ZNF506: variants seen among roughly 807,000 people sequenced by gnomAD.
ZNF506 encodes zinc finger protein 506.
In ZNF506, 10 loss-of-function variants were observed where a neutral mutation model predicts 11.6. The observed-to-expected ratio is 0.86, with a 90% confidence interval of 0.53 to 1.46. ZNF506 has a LOEUF of 1.46. Among genes scored for constraint, ZNF506 ranks in the 40% most tolerant of loss-of-function variants. The pLI is 0.00. For missense variants in ZNF506, 425 were observed against 521.2 expected (o/e 0.82, Z 1.80); for synonymous variants, 156 against 173.3 (o/e 0.90, Z 0.78).
intron 3 of ZNF506, chr19:19,799,533 G>T: frequency 1.6e-6 from 1 of 610,238 alleles, no homozygotes; most frequent in South Asian, 2.0e-5. Context: ...AATGGAATTA[G>T]AGTATAAGAC....
At chr19:19,801,599 T>C (rs992233659) in intron 3 of ZNF506, among the ~76,000 whole-genome samples, 87 of 151,756 alleles carry the variant, frequency 5.7e-4, no homozygotes, top group Non-Finnish European at 1.3e-4. Context: ...GAGATCAGCA[T>C]GGCCAACATG....
chr19:19,809,113 CAG>C (rs2062864267), intron 1 of ZNF506, among the ~76,000 whole-genome samples: 1 of 152,138 alleles, frequency 6.6e-6, no homozygotes, highest in Admixed American at 6.5e-5. Flanking sequence ...TACTAAGGAC[CAG>C]AGTTTTACCC....
chr19:19,816,775 G>C (rs764470691), intron 1 of ZNF506, among the ~76,000 whole-genome samples: 1 of 149,876 alleles, frequency 6.7e-6, no homozygotes, highest in Non-Finnish European at 1.5e-5. Context: ...GATTACAGGC[G>C]TGAGCCACCA....
In ZNF506 at chr19:19,794,486, G is replaced by C; in HGVS notation, c.*66C>G. The C allele has an allele frequency of 7.0e-7, 1 of 1,427,274 alleles. No homozygotes were observed. Among genetic ancestry groups the C allele is most frequent in the Non-Finnish European group, 9.5e-7 (1 of 1,053,638 alleles). The allele number at this position is 1,427,274 out of a possible 1,614,324, so 88.4% of individuals were successfully genotyped here. On this transcript the variant is annotated 3_prime_UTR_variant, in exon 4 of 4. Coordinates refer to ENST00000540806, the MANE Select transcript of ZNF506 (RefSeq NM_001099269.3). The stretch of plus-strand genomic sequence containing the variant: ...CCATATAAATTCTCATATTTAGTCA[G>C]AGTCCAGGGCTAGTTAAAGGCTTTC...
intron 3 of ZNF506, among the ~76,000 whole-genome samples, chr19:19,805,192 G>T (rs908289793): frequency 6.6e-6 from 1 of 151,870 alleles, no homozygotes; most frequent in Non-Finnish European, 1.5e-5. Context: ...GTTTCATACA[G>T]TTTAACTATC....
intron 3 of ZNF506, 83 bp downstream of exon 3, chr19:19,805,948 T>C: frequency 8.4e-7 from 1 of 1,191,400 alleles, no homozygotes; most frequent in Non-Finnish European, 1.2e-6. Context: ...GCTTCCCAAA[T>C]CACATTTTAA....
intron 3 of ZNF506, among the ~76,000 whole-genome samples, chr19:19,799,854 A>ACC (rs1163312330): frequency 9.8e-6 from 1 of 101,840 alleles, no homozygotes; most frequent in Non-Finnish European, 2.2e-5. Flanking sequence ...CTAAAAAGAC[A>ACC]AAGTACCCAA....
In ZNF506 at chr19:19,795,062, A is replaced by C. The variant is rs2062727706; in HGVS notation, c.825T>G (p.His275Gln). 6.2e-7 allele frequency: 1 copy of C among 1,613,706 alleles called. No homozygotes were observed. Among genetic ancestry groups the C allele is most frequent in the African/African-American group, 1.3e-5 (1 of 74,886 alleles). ...GTTTCTCTCCAGTATGAATTTTCTT[A>C]TGTGAAAAAAGGGTTGCAGGGTGGT... is the stretch of plus-strand genomic sequence containing the variant. ...AFNHPATLFS[H>Q]KKIHTGEKPY... The change falls in exon 4 of 4, where the codon CAT becomes CAG. Residue 275 changes from histidine to glutamine, a missense_variant. His to Gln is a conservative substitution (Grantham distance 24). Around this residue, in one of 3 missense-constraint regions of ZNF506, gnomAD observed 192 missense variants for 215.7 expected, o/e 0.89. Coordinates refer to ENST00000540806, the MANE Select transcript of ZNF506 (RefSeq NM_001099269.3).
At chr19:19,807,366 C>T (rs980078328) in intron 1 of ZNF506, among the ~76,000 whole-genome samples, 9 of 152,012 alleles carry the variant, frequency 5.9e-5, no homozygotes, top group African/African-American at 9.7e-5. Flanking sequence ...TTACATCATA[C>T]GGAATGAGCA....
chr19:19,804,788 A>G (rs747047946), intron 3 of ZNF506, among the ~76,000 whole-genome samples: 22 of 152,220 alleles, frequency 1.4e-4, no homozygotes, highest in Non-Finnish European at 2.8e-4. Flanking sequence ...TTGCAGGGAC[A>G]TGGATGAAGC....
Position 19,821,678 on chromosome 19 carries a change from C to A in ZNF506, c.-75G>T. 2 of 1,586,562 alleles carry A rather than the reference C, an allele frequency of 1.3e-6. No homozygotes were observed. The highest frequency in any genetic ancestry group is 1.7e-5 in the Admixed American group (1 of 59,936). On this transcript the variant is annotated 5_prime_UTR_variant, in exon 1 of 4. Coordinates refer to ENST00000540806, the MANE Select transcript of ZNF506 (RefSeq NM_001099269.3). ...CCTGCAGGTCACAGGGCCACAGAGG[C>A]TGGGCCTCTAGGAGCTGACGGCACA...
intron 1 of ZNF506, among the ~76,000 whole-genome samples, chr19:19,810,010 G>A: frequency 6.6e-6 from 1 of 152,194 alleles, no homozygotes; most frequent in Non-Finnish European, 1.5e-5. Context: ...AGAAGCCTGG[G>A]CTGATAACCA....
chr19:19,821,613 T>A lies in ZNF506; in HGVS notation c.-10A>T, dbSNP rs550515894. 4.3e-6 allele frequency: 7 copies of A among 1,614,014 alleles called. No homozygotes were observed. The South Asian group carries it at 5.5e-5, about 13-fold the overall frequency. ...CTGGCACTCTCACCATTTCTAGGCT[T>A]CCAGGGGGTCCCGGCGTCCTAGCTG... On this transcript the variant is annotated 5_prime_UTR_variant, in exon 1 of 4. Coordinates refer to ENST00000540806, the MANE Select transcript of ZNF506 (RefSeq NM_001099269.3).
chr19:19,806,184 G>GAGGA (rs1206608299), intron 2 of ZNF506, 58 bp from the exon 3 acceptor site: 10 of 1,291,136 alleles, frequency 7.7e-6, no homozygotes, highest in Non-Finnish European at 1.1e-5. Context: ...TTACAAGCTA[G>GAGGA]TACTGTGCTC....
Position 19,795,137 on chromosome 19 carries a change from A to G in ZNF506, c.750T>C (p.Ile250=). The stretch of plus-strand genomic sequence containing the variant: ...ATCTGTAGGGTTTCTCTCCAGTATG[A>G]ATTATCTTATGTGTAGTAAGGTTAC... The part of the protein sequence containing the change: ...QSCNLTTHKI[I]HTGEKPYRCR... The change falls in exon 4 of 4, where the codon ATT becomes ATC. Residue 250 remains isoleucine (I), a synonymous_variant. Coordinates refer to ENST00000540806, the MANE Select transcript of ZNF506 (RefSeq NM_001099269.3). The G allele has an allele frequency of 6.2e-7, 1 of 1,613,720 alleles. No homozygotes were observed. The highest frequency in any genetic ancestry group is 8.5e-7 in the Non-Finnish European group (1 of 1,179,862).
At chr19:19,811,043 C>T (rs2062879247) in intron 1 of ZNF506, among the ~76,000 whole-genome samples, 1 of 152,008 alleles carries the variant, frequency 6.6e-6, no homozygotes, top group Non-Finnish European at 1.5e-5. Flanking sequence ...CCTAAGCTTA[C>T]CTAAAAGAAA....
Position 19,821,725 on chromosome 19 carries a change from G to T in ZNF506, c.-122C>A. ...CACAGAGCAGTGAAGACGATAGCTG[G>T]ATCTCTGGCGTCAGCGAGAGACAAT... On this transcript the variant is annotated 5_prime_UTR_variant, in exon 1 of 4. Transcript: ENST00000540806. 1 of 1,299,324 alleles carries T rather than the reference G, an allele frequency of 7.7e-7. No individual in the cohort carries two copies. 80.5% of individuals were successfully genotyped at this position (1,299,324 alleles called of 1,614,324 possible).
At chr19:19,802,163 C>T (rs1035222808) in intron 3 of ZNF506, among the ~76,000 whole-genome samples, 1 of 149,454 alleles carries the variant, frequency 6.7e-6, no homozygotes, top group African/African-American at 2.5e-5. Flanking sequence ...CAAGATCGCA[C>T]CACTGCACTC....
intron 1 of ZNF506, among the ~76,000 whole-genome samples, chr19:19,816,106 G>A (rs2062928697): frequency 6.6e-6 from 1 of 151,658 alleles, no homozygotes; most frequent in African/African-American, 2.4e-5. Flanking sequence ...CACACACTCT[G>A]CACATTTTCT....
Sources: gnomAD v4.1 joint callset for allele counts (sites outside exome capture counted in the v4.1 genomes callset) on GRCh38, gnomAD v4.1.1 for gene constraint, gnomAD v4.1.1 regional missense constraint, MANE v1.5 for transcripts, NCBI Gene and HGNC (gene_info 2026-07-23, HGNC 2026-07-21) for gene names.